ACAP1: variants seen among roughly 807,000 people sequenced by gnomAD.
ACAP1 encodes ArfGAP with coiled-coil, ankyrin repeat and PH domains 1, also known as arf-GAP with coiled-coil, ANK repeat and PH domain-containing protein 1.
ACAP1 carries 45 observed loss-of-function variants against 98.8 expected under a neutral mutation model. The observed-to-expected ratio is 0.46, with a 90% CI of 0.36 to 0.58. The LOEUF is 0.58. Among genes scored for constraint, ACAP1 ranks in the 20% least tolerant of loss-of-function variants. ACAP1 has a pLI of 0.00. For missense variants in ACAP1, 735 were observed against 971.4 expected (o/e 0.76, Z 3.24); for synonymous variants, 362 against 375.3 (o/e 0.96, Z 0.41).
Position 7,346,983 on chromosome 17 carries a change from C to T in ACAP1, c.1132-48C>T, listed in dbSNP as rs1211589524. ...AGGCTGCCTGTGGAGATGGGGCACC[C>T]TTTACCCTAGGCCCCTTGGCCACCC... On this transcript the variant is annotated intron_variant, in intron 13 of 21. Coordinates refer to ENST00000158762, the MANE Select transcript of ACAP1 (RefSeq NM_014716.4). 4.4e-6 allele frequency: 7 copies of T among 1,585,332 alleles called. No individual in the cohort carries two copies. The South Asian group carries it at 6.8e-5, about 15-fold the overall frequency.
chr17:7,346,250 G>A lies in ACAP1; in HGVS notation c.861G>A (p.Trp287Ter), dbSNP rs1247136540. The A allele has an allele frequency of 6.2e-7, 1 of 1,614,092 alleles. No individual in the cohort carries two copies. Among genetic ancestry groups the A allele is most frequent in the Non-Finnish European group, 8.5e-7 (1 of 1,180,038 alleles). The change falls in exon 11 of 22, where the codon TGG becomes TGA. Residue 287 changes from tryptophan to a stop codon, truncating the protein, a stop_gained. Coordinates refer to ENST00000158762, the MANE Select transcript of ACAP1 (RefSeq NM_014716.4). LOFTEE classifies it high-confidence loss of function. ...TGATTTCCTTCTCTTACAGACGCTG[G>A]TTCACCATTCAGAGCAACCAACTGG... ...SNAFKTWSRR[W>*]FTIQSNQLVY...
At chr17:7,346,682 T>C (rs2073349798) in intron 12 of ACAP1, 126 bp from the exon 13 acceptor site, 1 of 1,243,106 alleles carries the variant, frequency 8.0e-7, no homozygotes, top group East Asian at 2.3e-5. Context: ...TATTACCAAC[T>C]GGTACAGAAG....
chr17:7,345,887 G>A (rs62059225), intron 10 of ACAP1: 17,574 of 224,048 alleles, frequency 0.078, 851 homozygotes, highest in Middle Eastern at 0.12. Context: ...TCCTGACCTC[G>A]GGTGATCCAC....
At chr17:7,342,746 CG>C in intron 5 of ACAP1, 1 of 470,586 alleles carries the variant, frequency 2.1e-6, no homozygotes, top group Non-Finnish European at 3.8e-6. Context: ...CTAAAAAATA[CG>C]AAAAAAAAAA....
Position 7,343,424 on chromosome 17 carries a change from G to A in ACAP1, c.390G>A (p.Gly130=), listed in dbSNP as rs780875526. The A allele has an allele frequency of 6.2e-7, 1 of 1,613,924 alleles. No individual in the cohort carries two copies. The highest frequency in any genetic ancestry group is 8.5e-7 in the Non-Finnish European group (1 of 1,179,970). The change falls in exon 6 of 22, where the codon GGG becomes GGA. Residue 130 remains glycine (G), a synonymous_variant. Coordinates refer to ENST00000158762, the MANE Select transcript of ACAP1 (RefSeq NM_014716.4). The surrounding 1 kb of genome is among the most constrained non-coding windows in gnomAD (Gnocchi z 4.9). The stretch of plus-strand genomic sequence containing the variant: ...AGGCTCGCCGGGATTTCTGGCGGGG[G>A]GCTGAGAGCCTGGAGGCTGCCCTGA... ...FREARRDFWR[G]AESLEAALTH...
At chr17:7,349,536 C>G in intron 18 of ACAP1, 1 of 257,046 alleles carries the variant, frequency 3.9e-6, no homozygotes, top group Non-Finnish European at 7.4e-6. Context: ...CCAGCATGCC[C>G]GGCTAATTTT....
intron 18 of ACAP1, chr17:7,349,501 G>A: frequency 3.7e-6 from 1 of 270,860 alleles, no homozygotes; most frequent in Non-Finnish European, 7.0e-6. Flanking sequence ...TCAGCTGCCT[G>A]AGTAGCTGGG....
At chr17:7,348,932 C>A (rs986631801) in intron 17 of ACAP1, 63 bp from the exon 18 acceptor site, 21 of 1,494,948 alleles carry the variant, frequency 1.4e-5, no homozygotes, top group Middle Eastern at 4.8e-4. Context: ...TGGGACACTG[C>A]TGAGGGTTTT....
intron 2 of ACAP1, 88 bp from the exon 3 acceptor site, chr17:7,341,860 C>T: frequency 1.3e-6 from 2 of 1,578,280 alleles, no homozygotes; most frequent in Non-Finnish European, 1.7e-6. Flanking sequence ...CCGCCCTGGG[C>T]AAGGGGAGAG....
Position 7,351,378 on chromosome 17 carries a change from G to A in ACAP1, c.2206G>A (p.Asp736Asn), listed in dbSNP as rs200864606. ...DPEKLSRRSH[D>N]LHTL ...GGAGAAGCTGAGCCGTCGCAGTCATGACCTCCACACGCTGTGACCCGAGGC... is the reference window on the plus strand; with the variant it reads ...GGAGAAGCTGAGCCGTCGCAGTCATAACCTCCACACGCTGTGACCCGAGGC... Residue 736 changes from aspartate (D) to asparagine (N), a missense_variant, in exon 22 of 22, where the codon GAC (aspartate) becomes AAC (asparagine). Transcript: ENST00000158762. 110 of 1,613,170 alleles carry A rather than the reference G, an allele frequency of 6.8e-5. No individual in the cohort carries two copies. The highest frequency in any genetic ancestry group is 8.6e-5 in the Non-Finnish European group (101 of 1,179,582).
At chr17:7,349,193 C>T (rs766131597) in intron 18 of ACAP1, 26 bp downstream of exon 18, 4 of 1,612,390 alleles carry the variant, frequency 2.5e-6, no homozygotes, top group Non-Finnish European at 3.4e-6. Flanking sequence ...ACCTCTCCAC[C>T]CCACCCTAGG....
In ACAP1 at chr17:7,347,207, T is replaced by C; in HGVS notation, c.1308T>C (p.Gly436=). 1.2e-6 allele frequency: 2 copies of C among 1,613,834 alleles called. No individual in the cohort carries two copies. Among genetic ancestry groups the C allele is most frequent in the Non-Finnish European group, 1.7e-6 (2 of 1,179,836 alleles). Residue 436 remains glycine, a synonymous_variant, in exon 14 of 22, where the codon GGT becomes GGC. Coordinates refer to ENST00000158762, the MANE Select transcript of ACAP1 (RefSeq NM_014716.4). ...PAPEWASINL[G]VTLCIQCSGI... ...CGGAGTGGGCCAGCATCAACCTTGG[T>C]GTCACCCTCTGCATTCAGTGTTCCG...
Position 7,350,539 on chromosome 17 carries a change from G to C in ACAP1, c.2072+302G>C. 2.1e-6 allele frequency: 1 copy of C among 481,060 alleles called. No homozygotes were observed. Among genetic ancestry groups the C allele is most frequent in the Middle Eastern group, 5.6e-4 (1 of 1,774 alleles). 29.8% of individuals were successfully genotyped at this position (481,060 alleles called of 1,614,324 possible). On this transcript the variant is annotated intron_variant, in intron 20 of 21. Coordinates refer to ENST00000158762, the MANE Select transcript of ACAP1 (RefSeq NM_014716.4). This position sits in a 1 kb window ranked among gnomAD's most constrained non-coding sequence, Gnocchi z 4.6. ...TCTTTTTAGCACTAGACGTGACCCC[G>C]GGGGTGGGGGCAGATGAACGGAACG...
Position 7,348,388 on chromosome 17 carries a change from G to C in ACAP1, c.1591G>C (p.Gly531Arg). The change falls in exon 17 of 22, where the codon GGT (glycine) becomes CGT (arginine). Residue 531 changes from glycine to arginine, a missense_variant. Gly to Arg is a moderately radical substitution (Grantham distance 125). This residue lies in a region of ACAP1 where 80 missense variants were observed against 64.4 expected (regional missense o/e 1.24). Transcript: ENST00000158762. ...TKLPEIRGRR[G>R]GRGRPRGQPP... ...GCTGCCTGAGATTCGAGGGCGAAGA[G>C]GTGGCCGGGGGCGCCCAAGGGGGCA... 6.4e-7 allele frequency: 1 copy of C among 1,563,016 alleles called. No individual in the cohort carries two copies. The highest frequency in any genetic ancestry group is 8.7e-7 in the Non-Finnish European group (1 of 1,153,776).
In ACAP1 at chr17:7,343,988, G is replaced by A. The variant is rs1411326458; in HGVS notation, c.669+32G>A. ...CCCCAGGGCACAGCAGGTGGTAGAG[G>A]GAGGTTAGGGACTCCTAACTGGGGG... On this transcript the variant is annotated intron_variant, in intron 8 of 21. Coordinates refer to ENST00000158762, the MANE Select transcript of ACAP1 (RefSeq NM_014716.4). This position sits in a 1 kb window ranked among gnomAD's most constrained non-coding sequence, Gnocchi z 4.9. The A allele has an allele frequency of 1.9e-6, 3 of 1,574,650 alleles. No individual in the cohort carries two copies. Among genetic ancestry groups the A allele is most frequent in the Non-Finnish European group, 2.6e-6 (3 of 1,159,382 alleles).
In ACAP1 at chr17:7,348,151, A is replaced by G. The variant is rs2073365751; in HGVS notation, c.1438A>G (p.Ile480Val). Residue 480 changes from isoleucine (I) to valine (V), a missense_variant, in exon 16 of 22, where the codon ATC (isoleucine) becomes GTC (valine). By Grantham distance (29) the Ile-to-Val change is conservative. This residue lies in a region of ACAP1 where 81 missense variants were observed against 132.0 expected (regional missense o/e 0.61). Transcript: ENST00000158762. ...GCTCATGTGTGAGCTGGGAAATGTCATCATCAACCAGATCTATGAGGCCCG... is the reference window on the plus strand; with the variant it reads ...GCTCATGTGTGAGCTGGGAAATGTCGTCATCAACCAGATCTATGAGGCCCG... ...VKLMCELGNV[I>V]INQIYEARVE... The G allele has an allele frequency of 6.2e-7, 1 of 1,613,882 alleles. No individual in the cohort carries two copies. Among genetic ancestry groups the G allele is most frequent in the Admixed American group, 1.7e-5 (1 of 59,992 alleles).
chr17:7,343,187 C>G lies in ACAP1; in HGVS notation c.345-192C>G, dbSNP rs1305192626. On this transcript the variant is annotated intron_variant, in intron 5 of 21. Transcript: ENST00000158762. This position sits in a 1 kb window ranked among gnomAD's most constrained non-coding sequence, Gnocchi z 4.9. ...CAGCCCTGCTGCCCTCTTCCCATGG[C>G]CACAGGAGCCTCCCCAGTGACGGAG... The G allele has an allele frequency of 1.8e-6, 1 of 558,948 alleles. No individual in the cohort carries two copies. 34.6% of individuals were successfully genotyped at this position (558,948 alleles called of 1,614,324 possible).
At position 7,346,503 on chromosome 17, in the gene ACAP1, C is replaced by T; in HGVS notation, c.1007+12C>T. On this transcript the variant is annotated intron_variant, in intron 12 of 21. Transcript: ENST00000158762. ...GTGTCCACCAGCAAGTGAGTGCAAT[C>T]CCCAGGGGTGATACTCTAATATATC... The T allele has an allele frequency of 6.3e-7, 1 of 1,583,962 alleles. No homozygotes were observed. The highest frequency in any genetic ancestry group is 8.6e-7 in the Non-Finnish European group (1 of 1,165,544).
chr17:7,351,054 T>C, intron 21 of ACAP1, 55 bp downstream of exon 21: 3 of 1,528,808 alleles, frequency 2.0e-6, no homozygotes, highest in Non-Finnish European at 9.1e-7. Context: ...TCTGGGCTTC[T>C]GGTCCACGGT....
Sources: allele counts gnomAD v4.1 joint callset, GRCh38; gene constraint gnomAD v4.1.1; regional missense constraint gnomAD v4.1.1; non-coding constraint Gnocchi (gnomAD v3.1); transcripts MANE v1.5; gene names NCBI Gene and HGNC (gene_info 2026-07-23, HGNC 2026-07-21).